PDE1C: variants seen among roughly 807,000 people sequenced by gnomAD.
PDE1C encodes the protein dual specificity calcium/calmodulin-dependent 3',5'-cyclic nucleotide phosphodiesterase 1C.
PDE1C carries 62 observed loss-of-function variants against 93.1 expected under a neutral mutation model. That is an observed-to-expected ratio of 0.67 (90% CI 0.54 to 0.82). PDE1C has a LOEUF of 0.82. Ranked by LOEUF, PDE1C falls within the 40% of genes least tolerant of loss-of-function variation. PDE1C has a pLI of 0.00. For synonymous variants in PDE1C, 325 were observed against 310.1 expected (o/e 1.05, Z -0.50); for missense variants, 742 against 884.6 (o/e 0.84, Z 2.04).
chr7:32,051,790 A>T (rs1209200627), intron 1 of PDE1C, among the ~76,000 whole-genome samples: 2 of 152,146 alleles, frequency 1.3e-5, no homozygotes, highest in Non-Finnish European at 1.5e-5. Flanking sequence ...TTTAGTAAAA[A>T]ATAGCATCCC....
At chr7:32,331,458 A>T (rs1410871407) in intron 1 of PDE1C, among the ~76,000 whole-genome samples, 2 of 152,218 alleles carry the variant, frequency 1.3e-5, no homozygotes, top group Admixed American at 1.3e-4. Flanking sequence ...AAAGGAAAGG[A>T]TGGAGGTCAT....
At chr7:32,344,053 C>T (rs1585118437) in intron 1 of PDE1C, among the ~76,000 whole-genome samples, 1 of 152,128 alleles carries the variant, frequency 6.6e-6, no homozygotes, top group Admixed American at 6.6e-5. Flanking sequence ...TTCAAGTTCA[C>T]TCTATGTTAA....
chr7:31,909,806 T>C (rs1321029139), intron 2 of PDE1C, among the ~76,000 whole-genome samples: 3 of 152,156 alleles, frequency 2.0e-5, no homozygotes, highest in Non-Finnish European at 2.9e-5. Flanking sequence ...AATTAGTAAA[T>C]GGCAAGTCAG....
intron 2 of PDE1C, among the ~76,000 whole-genome samples, chr7:31,970,239 T>G (rs906007780): frequency 6.6e-6 from 1 of 152,050 alleles, no homozygotes; most frequent in Non-Finnish European, 1.5e-5. Context: ...TATCATTGAG[T>G]CAGTGGACAG....
the PDE1C span, among the ~76,000 whole-genome samples, chr7:31,648,517 C>T: frequency 5.3e-5 from 8 of 152,134 alleles, no homozygotes; most frequent in Non-Finnish European, 1.2e-4. Context: ...CTTCCACATC[C>T]CTCCACCATT....
the PDE1C span, among the ~76,000 whole-genome samples, chr7:31,727,721 G>A: frequency 1.3e-5 from 2 of 152,128 alleles, no homozygotes; most frequent in African/African-American, 4.8e-5. Flanking sequence ...AGACTACAAT[G>A]GGAGATGTGT....
intron 7 of PDE1C, among the ~76,000 whole-genome samples, chr7:31,856,238 G>A (rs1023189331): frequency 1.3e-5 from 2 of 152,170 alleles, no homozygotes; most frequent in African/African-American, 4.8e-5. Flanking sequence ...GTAACAGTAT[G>A]TTCTCCATTC....
At chr7:31,744,175 A>G in the PDE1C span, among the ~76,000 whole-genome samples, 2 of 152,210 alleles carry the variant, frequency 1.3e-5, no homozygotes, top group Admixed American at 1.3e-4. Context: ...TGTCTTTATT[A>G]TATTTACTAT....
intron 1 of PDE1C, among the ~76,000 whole-genome samples, chr7:32,391,321 T>C (rs1784744690): frequency 6.6e-6 from 1 of 152,144 alleles, no homozygotes; most frequent in Non-Finnish European, 1.5e-5. Flanking sequence ...ATTCTATACA[T>C]ACCTAACAAC....
At chr7:32,144,709 G>A (rs986334342) in intron 3 of PDE1C, among the ~76,000 whole-genome samples, 4 of 152,170 alleles carry the variant, frequency 2.6e-5, no homozygotes, top group Non-Finnish European at 5.9e-5. Flanking sequence ...GGGGTGAGAG[G>A]GCGGGAGCAA....
chr7:31,795,870 A>G (rs935124615), intron 16 of PDE1C, among the ~76,000 whole-genome samples: 20 of 150,458 alleles, frequency 1.3e-4, no homozygotes, highest in African/African-American at 4.7e-4. Context: ...CACTGAATTA[A>G]TAATAACTCT....
intron 2 of PDE1C, among the ~76,000 whole-genome samples, chr7:31,901,351 A>G (rs1372363163): frequency 6.6e-6 from 1 of 151,664 alleles, no homozygotes; most frequent in African/African-American, 2.4e-5. Context: ...AAGGTTCAAT[A>G]ACATTTAAAA....
intron 1 of PDE1C, among the ~76,000 whole-genome samples, chr7:32,260,842 C>T (rs912217855): frequency 3.9e-5 from 6 of 152,190 alleles, no homozygotes; most frequent in African/African-American, 1.4e-4. Flanking sequence ...AGAAATTGGC[C>T]GGGCACAGTG....
At chr7:32,201,020 G>T (rs922136638) in intron 2 of PDE1C, among the ~76,000 whole-genome samples, 2 of 152,196 alleles carry the variant, frequency 1.3e-5, no homozygotes, top group African/African-American at 4.8e-5. Flanking sequence ...TGTGTTACTA[G>T]ATTCCATGGA....
chr7:32,301,712 G>A (rs1812885182), upstream of PDE1C, among the ~76,000 whole-genome samples: 1 of 152,194 alleles, frequency 6.6e-6, no homozygotes, highest in African/African-American at 2.4e-5. Context: ...CTCAAAAGAA[G>A]CACGGCTTTT....
At chr7:31,865,352 T>C (rs1795166662) in intron 6 of PDE1C, among the ~76,000 whole-genome samples, 1 of 152,232 alleles carries the variant, frequency 6.6e-6, no homozygotes, top group African/African-American at 2.4e-5. Flanking sequence ...CATTTTAAGA[T>C]ACTTAGTTTT....
chr7:31,672,229 G>GTA, the PDE1C span, among the ~76,000 whole-genome samples: 1 of 152,064 alleles, frequency 6.6e-6, no homozygotes, highest in Non-Finnish European at 1.5e-5. Context: ...ACGGATGGAA[G>GTA]TACACTTCAC....
chr7:31,819,233 C>T (rs1377237154), intron 14 of PDE1C, among the ~76,000 whole-genome samples: 3 of 152,118 alleles, frequency 2.0e-5, no homozygotes, highest in Admixed American at 6.6e-5. Context: ...GACTGCATGA[C>T]ACCCAAAGTG....
At chr7:31,974,635 G>C (rs189689087) in intron 2 of PDE1C, among the ~76,000 whole-genome samples, 2 of 151,690 alleles carry the variant, frequency 1.3e-5, no homozygotes, top group East Asian at 2.0e-4. Context: ...AAAAGGCAGG[G>C]AGGGAGGGAG....
Sources: allele counts gnomAD v4.1 joint callset (sites outside exome capture counted in the v4.1 genomes callset), GRCh38; gene constraint gnomAD v4.1.1; transcripts MANE v1.5; gene names NCBI Gene and HGNC (gene_info 2026-07-23, HGNC 2026-07-21).